Variants in NR1H4 observed in about 807,000 individuals in gnomAD.
NR1H4 encodes the protein bile acid receptor.
A neutral mutation model predicts 58.5 loss-of-function variants in NR1H4; 23 were observed. The ratio of observed to expected loss-of-function variants is 0.39; its 90% CI spans 0.28 to 0.56. The LOEUF (loss-of-function observed/expected upper bound fraction) is 0.56, where lower values mean the gene tolerates loss of function less well. Ranked by LOEUF, NR1H4 falls within the 20% of genes least tolerant of loss-of-function variation. The pLI, the probability that NR1H4 is intolerant of heterozygous loss-of-function variation, is 0.58. For missense variants in NR1H4, 487 were observed against 576.9 expected (o/e 0.84, Z 1.60); for synonymous variants, 214 against 198.0 (o/e 1.08, Z -0.68).
At chr12:100,490,985 G>A (rs1953592891) in intron 1 of NR1H4, among the ~76,000 whole-genome samples, 1 of 152,108 alleles carries the variant, frequency 6.6e-6, no homozygotes, top group African/African-American at 2.4e-5. Flanking sequence ...TATTAGAGGT[G>A]AGTTTTGTCA....
At position 100,488,255 on chromosome 12, in the gene NR1H4, C is replaced by T. The variant is rs1054518056; in HGVS notation, c.-189-4248C>T. 1.3e-4 allele frequency among the ~76,000 whole-genome samples: 20 copies of T among 152,328 alleles called. 1 individual carries two copies. Among genetic ancestry groups the T allele is most frequent in the African/African-American group, 4.3e-4 (18 of 41,578 alleles). On this transcript the variant is annotated intron_variant, in intron 1 of 10. Coordinates refer to ENST00000392986, the MANE Select transcript of NR1H4 (RefSeq NM_001206979.2). ...CCTCAAGTAATCCGCCCACCTCAGC[C>T]TCCCAAAGTGCTGGGATTACAGGCG... is the stretch of plus-strand genomic sequence containing the variant.
chr12:100,504,981 G>A (rs1257064495), intron 3 of NR1H4, among the ~76,000 whole-genome samples: 1 of 152,208 alleles, frequency 6.6e-6, no homozygotes, highest in Non-Finnish European at 1.5e-5. Context: ...TAGGTGATCA[G>A]CTGACAAGGC....
chr12:100,534,962 T>C lies in NR1H4; in HGVS notation c.671T>C (p.Val224Ala). The change falls in exon 6 of 11, where the codon GTG becomes GCG. Residue 224 changes from valine (V) to alanine (A), a missense_variant. Physicochemically the swap from Val to Ala is moderately conservative, Grantham distance 64. Coordinates refer to ENST00000392986, the MANE Select transcript of NR1H4 (RefSeq NM_001206979.2). ...GTGAAGCAGCATGCAGATCAGACCGTGAATGAAGACAGTGAAGGTCGTGAC... is the reference window on the plus strand; with the variant it reads ...GTGAAGCAGCATGCAGATCAGACCGCGAATGAAGACAGTGAAGGTCGTGAC... ...KNVKQHADQT[V>A]NEDSEGRDLR... The C allele has an allele frequency of 1.2e-6, 2 of 1,614,184 alleles. No individual in the cohort carries two copies. The highest frequency in any genetic ancestry group is 1.7e-6 in the Non-Finnish European group (2 of 1,180,024).
intron 4 of NR1H4, among the ~76,000 whole-genome samples, chr12:100,513,702 G>A (rs1038323232): frequency 1.3e-5 from 2 of 152,100 alleles, no homozygotes; most frequent in Non-Finnish European, 2.9e-5. Flanking sequence ...GTCTGAGACA[G>A]GAGAATTCCT....
intron 8 of NR1H4, among the ~76,000 whole-genome samples, 180 bp from the exon 9 acceptor site, chr12:100,540,492 A>T (rs903943432): frequency 1.3e-5 from 2 of 152,218 alleles, no homozygotes; most frequent in Admixed American, 1.3e-4. Context: ...TGTTTAATAA[A>T]TTCTGCTCAA....
intron 1 of NR1H4, among the ~76,000 whole-genome samples, chr12:100,491,170 A>C (rs1363084297): frequency 2.6e-5 from 4 of 151,978 alleles, no homozygotes; most frequent in Non-Finnish European, 5.9e-5. Context: ...ACAACACCCC[A>C]GTTATTTCAG....
chr12:100,486,219 C>G (rs942545070), intron 1 of NR1H4, among the ~76,000 whole-genome samples: 3 of 152,146 alleles, frequency 2.0e-5, no homozygotes, highest in African/African-American at 7.2e-5. Context: ...GTCTCATCCC[C>G]AGTGATATTT....
intron 4 of NR1H4, among the ~76,000 whole-genome samples, chr12:100,530,527 G>A (rs1954666234): frequency 6.6e-6 from 1 of 152,120 alleles, no homozygotes; most frequent in African/African-American, 2.4e-5. Context: ...ATTCCAAGGT[G>A]AGCCCATCTG....
intron 4 of NR1H4, among the ~76,000 whole-genome samples, chr12:100,525,959 A>G (rs1334502919): frequency 2.6e-5 from 4 of 152,138 alleles, no homozygotes; most frequent in Non-Finnish European, 4.4e-5. Context: ...TGGGATTAGT[A>G]ACGATGGGCC....
At chr12:100,544,024 G>A (rs370135109) in intron 9 of NR1H4, among the ~76,000 whole-genome samples, 5 of 152,174 alleles carry the variant, frequency 3.3e-5, no homozygotes, top group East Asian at 3.9e-4. Flanking sequence ...AGGCCAAGGC[G>A]GGTGGATTAC....
intron 9 of NR1H4, among the ~76,000 whole-genome samples, chr12:100,543,601 G>A (rs554071774): frequency 2.0e-4 from 30 of 151,822 alleles, no homozygotes; most frequent in African/African-American, 7.2e-4. Context: ...AGGCTAAGGG[G>A]AAAATGTTGA....
intron 9 of NR1H4, among the ~76,000 whole-genome samples, chr12:100,560,814 T>TGCCAGGTGCAATAAAGAGGAGAGGGAGC (rs1955453042): frequency 6.6e-6 from 1 of 151,960 alleles, no homozygotes; most frequent in Non-Finnish European, 1.5e-5. Context: ...ATTAAGTAAA[T>TGCCAGGTGCAATAAAGAGGAGAGGGAGC]GCCAGGTGCA....
chr12:100,475,054 A>C (rs1953236663), intron 1 of NR1H4, among the ~76,000 whole-genome samples: 1 of 152,046 alleles, frequency 6.6e-6, no homozygotes, highest in South Asian at 2.1e-4. Context: ...CTATCCCCAG[A>C]CTCATCAAAG....
intron 9 of NR1H4, among the ~76,000 whole-genome samples, chr12:100,552,702 T>A (rs1955229363): frequency 6.6e-6 from 1 of 152,124 alleles, no homozygotes; most frequent in South Asian, 2.1e-4. Context: ...GTGGAAGGAT[T>A]GCTTAAGACC....
intron 4 of NR1H4, among the ~76,000 whole-genome samples, chr12:100,514,657 G>T (rs962817306): frequency 1.1e-4 from 17 of 152,130 alleles, no homozygotes; most frequent in Admixed American, 2.6e-4. Context: ...AGACTATTCA[G>T]TGAAAAGTAT....
chr12:100,488,200 A>C (rs1349466863), intron 1 of NR1H4, among the ~76,000 whole-genome samples: 1 of 151,942 alleles, frequency 6.6e-6, no homozygotes, highest in African/African-American at 2.4e-5. Context: ...GAGATTCCTC[A>C]TGTTGGCCAG....
At chr12:100,515,219 G>A in intron 4 of NR1H4, among the ~76,000 whole-genome samples, 1 of 141,974 alleles carries the variant, frequency 7.0e-6, no homozygotes. Flanking sequence ...TGCCCAGGCT[G>A]GAGGGCAATG....
chr12:100,512,264 A>G (rs981552305), intron 4 of NR1H4, among the ~76,000 whole-genome samples: 11 of 152,050 alleles, frequency 7.2e-5, no homozygotes, highest in Non-Finnish European at 1.6e-4. Flanking sequence ...GCAGTAATAC[A>G]GTTCTGTTAT....
At chr12:100,516,853 A>G (rs1954280183) in intron 4 of NR1H4, among the ~76,000 whole-genome samples, 2 of 152,184 alleles carry the variant, frequency 1.3e-5, no homozygotes, top group African/African-American at 4.8e-5. Flanking sequence ...TACTTTAGTA[A>G]TACACTTATT....
Sources: allele counts gnomAD v4.1 joint callset (sites outside exome capture counted in the v4.1 genomes callset), GRCh38; gene constraint gnomAD v4.1.1; transcripts MANE v1.5; gene names NCBI Gene and HGNC (gene_info 2026-07-23, HGNC 2026-07-21).